TNFRSF8: variants seen among roughly 807,000 people sequenced by gnomAD.
TNFRSF8 encodes TNF receptor superfamily member 8.
TNFRSF8 carries 26 observed loss-of-function variants against 70.8 expected under a neutral mutation model. The ratio of observed to expected loss-of-function variants is 0.37; its 90% CI spans 0.27 to 0.51. The LOEUF is 0.51. Ranked by LOEUF, TNFRSF8 falls within the 20% of genes least tolerant of loss-of-function variation. The pLI is 0.94. For synonymous variants in TNFRSF8, 356 were observed against 339.2 expected, an observed-to-expected ratio of 1.05 and a Z score of -0.54; for missense variants, 720 against 807.9, an observed-to-expected ratio of 0.89 and a Z score of 1.32.
In TNFRSF8 at chr1:12,110,170, T is replaced by A. The variant is rs1023057398; in HGVS notation, c.642T>A (p.Ser214=). The A allele has an allele frequency of 5.6e-6, 9 of 1,609,738 alleles. No individual in the cohort carries two copies. Among genetic ancestry groups the A allele is most frequent in the Non-Finnish European group, 6.8e-6 (8 of 1,177,764 alleles). ...AASKLTRAPD[S]PSSVGRPSSD... ...CTAAACTGACGAGGGCTCCCGACTCTCCCTCCTCTGTGGGAAGGCCTAGTT... is the reference window on the plus strand; with the variant it reads ...CTAAACTGACGAGGGCTCCCGACTCACCCTCCTCTGTGGGAAGGCCTAGTT... The change falls in exon 6 of 15, where the codon TCT becomes TCA. Residue 214 remains serine, a synonymous_variant. Transcript: ENST00000263932. This position sits in a 1 kb window ranked among gnomAD's most constrained non-coding sequence, Gnocchi z 4.0.
chr1:12,127,567 G>A (rs1641964939), intron 12 of TNFRSF8, among the ~76,000 whole-genome samples: 1 of 152,272 alleles, frequency 6.6e-6, no homozygotes, highest in African/African-American at 2.4e-5. Context: ...CCCTTGCAGA[G>A]GCCCTTGCAT....
At chr1:12,066,647 C>T (rs1640746701) in intron 1 of TNFRSF8, among the ~76,000 whole-genome samples, 2 of 150,990 alleles carry the variant, frequency 1.3e-5, no homozygotes, top group Non-Finnish European at 2.9e-5. Flanking sequence ...GCCACCGCCC[C>T]CGGCCTAAAT....
rs1459573945 is a variant in TNFRSF8, at chr1:12,138,298, A to G, written c.1405A>G (p.Met469Val). The change falls in exon 14 of 15, where the codon ATG (methionine) becomes GTG (valine). Residue 469 changes from methionine to valine, a missense_variant. Physicochemically the swap from Met to Val is conservative, Grantham distance 21. Coordinates refer to ENST00000263932, the MANE Select transcript of TNFRSF8 (RefSeq NM_001243.5). The surrounding 1 kb of genome is among the most constrained non-coding windows in gnomAD (Gnocchi z 5.7). Reference sequence around the variant, plus strand: ...GCGAGGGTTAATGAGCCAGCCACTGATGGAGACCTGCCACAGCGTGGGGGC... The same window carrying G: ...GCGAGGGTTAATGAGCCAGCCACTGGTGGAGACCTGCCACAGCGTGGGGGC... ...EERGLMSQPLMETCHSVGAAY... is the reference protein window; with the variant it reads ...EERGLMSQPLVETCHSVGAAY... The G allele has an allele frequency of 6.2e-7, 1 of 1,613,662 alleles. No individual in the cohort carries two copies. Among genetic ancestry groups the G allele is most frequent in the South Asian group, 1.1e-5 (1 of 91,078 alleles).
intron 1 of TNFRSF8, among the ~76,000 whole-genome samples, chr1:12,078,492 A>C (rs1385872713): frequency 1.3e-5 from 2 of 152,092 alleles, no homozygotes; most frequent in South Asian, 2.1e-4. Flanking sequence ...TGAACGCGAG[A>C]GGTAGAGGTT....
intron 8 of TNFRSF8, among the ~76,000 whole-genome samples, chr1:12,121,736 CAA>C (rs1641832282): frequency 6.6e-6 from 1 of 152,156 alleles, no homozygotes; most frequent in Non-Finnish European, 1.5e-5. Context: ...CCTAGGCACT[CAA>C]GAGGAATGAA....
intron 1 of TNFRSF8, among the ~76,000 whole-genome samples, chr1:12,068,956 C>G (rs1640788788): frequency 6.6e-6 from 1 of 151,682 alleles, no homozygotes; most frequent in African/African-American, 2.4e-5. Context: ...ACTGCAACCT[C>G]CGCCTCCCGG....
At chr1:12,082,828 T>G (rs755716642) in intron 1 of TNFRSF8, among the ~76,000 whole-genome samples, 2 of 152,140 alleles carry the variant, frequency 1.3e-5, no homozygotes, top group Non-Finnish European at 2.9e-5. Context: ...AAGCTAAGAA[T>G]GTCTGTTCAT....
rs931904938 is a variant in TNFRSF8, at chr1:12,063,492, C to A, written c.-107C>A. On this transcript the variant is annotated 5_prime_UTR_variant, in exon 1 of 15. Transcript: ENST00000263932. The surrounding 1 kb of genome is among the most constrained non-coding windows in gnomAD (Gnocchi z 7.2). ...GCGGGAGTGTGCTGGAGCCTGAAGT[C>A]CACGCGCGCGGCTGAGAACCGCCGG... The A allele has an allele frequency of 9.6e-7, 1 of 1,039,136 alleles. No individual in the cohort carries two copies. Among genetic ancestry groups the A allele is most frequent in the Non-Finnish European group, 1.3e-6 (1 of 797,888 alleles). 64.4% of individuals were successfully genotyped at this position (1,039,136 alleles called of 1,614,324 possible).
intron 1 of TNFRSF8, among the ~76,000 whole-genome samples, chr1:12,082,481 C>T (rs1641081391): frequency 6.7e-6 from 1 of 149,516 alleles, no homozygotes; most frequent in East Asian, 2.0e-4. Context: ...GCCTGGGAGG[C>T]TGAGGCTGCA....
In TNFRSF8 at chr1:12,123,782, G is replaced by A. The variant is rs528327273; in HGVS notation, c.1108G>A (p.Ala370Thr). 2.0e-5 allele frequency: 31 copies of A among 1,576,900 alleles called. No homozygotes were observed. The East Asian group carries it at 2.3e-4, about 12-fold the overall frequency. ...ASKTLPIPTSAPVALSSTGKP... is the reference protein window; with the variant it reads ...ASKTLPIPTSTPVALSSTGKP... ...TAAGACGCTGCCCATCCCAACCAGC[G>A]CTCCCGTCGCTCTCTCCTCCACGGG... is the stretch of plus-strand genomic sequence containing the variant. Residue 370 changes from alanine (A) to threonine (T), a missense_variant, in exon 10 of 15, where the codon GCT becomes ACT. Ala to Thr is a moderately conservative substitution (Grantham distance 58, BLOSUM62 0). Transcript: ENST00000263932.
rs1360744819 is a variant in TNFRSF8, at chr1:12,116,134, A to G, written c.946+405A>G. ...GTAGCTGGGGTTACAAGCATTCGCC[A>G]CCACAGCCGGCTAATGTTGTATTTT... On this transcript the variant is annotated intron_variant, in intron 8 of 14. Coordinates refer to ENST00000263932, the MANE Select transcript of TNFRSF8 (RefSeq NM_001243.5). 9.2e-5 allele frequency among the ~76,000 whole-genome samples: 14 copies of G among 151,964 alleles called. 1 individual carries two copies. Among genetic ancestry groups the G allele is most frequent in the Non-Finnish European group, 1.5e-5 (1 of 67,974 alleles).
chr1:12,102,592 C>G (rs1240655060), intron 3 of TNFRSF8, among the ~76,000 whole-genome samples: 1 of 152,206 alleles, frequency 6.6e-6, no homozygotes, highest in African/African-American at 2.4e-5. Flanking sequence ...GTGGGGCCAT[C>G]TCAACTCACT....
Position 12,123,758 on chromosome 1 carries a change from A to T in TNFRSF8, c.1084A>T (p.Lys362Ter). 6.3e-7 allele frequency: 1 copy of T among 1,578,492 alleles called. No individual in the cohort carries two copies. The highest frequency in any genetic ancestry group is 8.6e-7 in the Non-Finnish European group (1 of 1,161,650). ...QSLLVDSQAS[K>*]TLPIPTSAPV... ...CTTGCTGGTGGACTCCCAGGCCAGT[A>T]AGACGCTGCCCATCCCAACCAGCGC... Residue 362 changes from lysine to a stop codon, truncating the protein, a stop_gained, in exon 10 of 15, where the codon AAG (lysine) becomes TAG (stop). Transcript: ENST00000263932. LOFTEE classifies it high-confidence loss of function.
At chr1:12,126,284 G>C (rs1441468000) in intron 12 of TNFRSF8, 48 bp downstream of exon 12, 3 of 1,609,804 alleles carry the variant, frequency 1.9e-6, no homozygotes, top group African/African-American at 2.7e-5. Context: ...GAGGAACACA[G>C]GGCAGCTCTG....
chr1:12,110,160 C>T lies in TNFRSF8; in HGVS notation c.632C>T (p.Ala211Val). The T allele has an allele frequency of 6.2e-7, 1 of 1,610,970 alleles. No homozygotes were observed. Among genetic ancestry groups the T allele is most frequent in the Non-Finnish European group, 8.5e-7 (1 of 1,178,432 alleles). The change falls in exon 6 of 15, where the codon GCT (alanine) becomes GTT (valine). Residue 211 changes from alanine to valine, a missense_variant. Ala to Val is a moderately conservative substitution (Grantham distance 64). Coordinates refer to ENST00000263932, the MANE Select transcript of TNFRSF8 (RefSeq NM_001243.5). This position sits in a 1 kb window ranked among gnomAD's most constrained non-coding sequence, Gnocchi z 4.0. ...AQEAASKLTR[A>V]PDSPSSVGRP... ...GAAGCTGCTTCTAAACTGACGAGGG[C>T]TCCCGACTCTCCCTCCTCTGTGGGA...
chr1:12,073,003 C>T (rs960005518), intron 1 of TNFRSF8, among the ~76,000 whole-genome samples: 1 of 152,228 alleles, frequency 6.6e-6, no homozygotes, highest in Non-Finnish European at 1.5e-5. Context: ...AGGAAACACA[C>T]CAGGCTGGGC....
Position 12,138,207 on chromosome 1 carries a change from A to G in TNFRSF8, c.1336-22A>G, listed in dbSNP as rs548818369. 3.7e-6 allele frequency: 6 copies of G among 1,610,532 alleles called. No individual in the cohort carries two copies. In the African/African-American group the frequency reaches 5.3e-5, roughly 14 times the overall value. On this transcript the variant is annotated intron_variant, in intron 13 of 14. Transcript: ENST00000263932. This position sits in a 1 kb window ranked among gnomAD's most constrained non-coding sequence, Gnocchi z 5.7. The stretch of plus-strand genomic sequence containing the variant: ...GGGGAGGTTGGGGGTACCCTGCAGC[A>G]GCACCCATTCCCGTCCCACAGCAGC...
At chr1:12,135,392 A>G (rs931723884) in intron 12 of TNFRSF8, among the ~76,000 whole-genome samples, 196 bp from the exon 13 acceptor site, 2 of 151,342 alleles carry the variant, frequency 1.3e-5, no homozygotes, top group African/African-American at 4.9e-5. Flanking sequence ...CCACTGGAGA[A>G]GTGAGCCTCC....
At chr1:12,067,236 C>T (rs116477548) in intron 1 of TNFRSF8, among the ~76,000 whole-genome samples, 1,638 of 152,282 alleles carry the variant, frequency 0.011, 34 homozygotes, top group African/African-American at 0.038. Flanking sequence ...TTCCTGTGAA[C>T]TCTGTAGACT....
Sources: allele counts gnomAD v4.1 joint callset (sites outside exome capture counted in the v4.1 genomes callset), GRCh38; gene constraint gnomAD v4.1.1; non-coding constraint Gnocchi (gnomAD v3.1); transcripts MANE v1.5; gene names NCBI Gene and HGNC (gene_info 2026-07-23, HGNC 2026-07-21).